PCP4: variants seen among roughly 807,000 people sequenced by gnomAD.
PCP4 encodes Purkinje cell protein 4.
PCP4 carries 8 observed loss-of-function variants against 10.0 expected under a neutral mutation model. The observed-to-expected ratio is 0.80, with a 90% CI of 0.47 to 1.45. PCP4 has a LOEUF of 1.45. Ranked by LOEUF, PCP4 falls within the 40% of genes most tolerant of loss-of-function variation. The pLI, the probability that PCP4 is intolerant of heterozygous loss-of-function variation, is 0.00. For synonymous variants in PCP4, 21 were observed against 23.0 expected (o/e 0.91, Z 0.24); for missense variants, 54 against 74.4 (o/e 0.73, Z 1.01).
intron 1 of PCP4, among the ~76,000 whole-genome samples, chr21:39,892,049 T>G (rs188309420): frequency 6.6e-6 from 1 of 152,260 alleles, no homozygotes; most frequent in Admixed American, 6.5e-5. Context: ...GTTCCCTGAC[T>G]CCTCCAAGGA....
intron 2 of PCP4, among the ~76,000 whole-genome samples, chr21:39,904,735 C>A (rs1247200420): frequency 2.6e-5 from 4 of 152,152 alleles, no homozygotes; most frequent in African/African-American, 7.2e-5. Context: ...GAGCAGCCTG[C>A]GATTCAGAGT....
chr21:39,908,149 T>A (rs1251290737), intron 2 of PCP4, among the ~76,000 whole-genome samples: 7 of 152,010 alleles, frequency 4.6e-5, no homozygotes, highest in African/African-American at 1.7e-4. Flanking sequence ...ATTGAAACCA[T>A]GCTTTCATGT....
chr21:39,927,212 CATCT>C (rs1024794291), intron 2 of PCP4, among the ~76,000 whole-genome samples: 1 of 139,522 alleles, frequency 7.2e-6, no homozygotes, highest in Non-Finnish European at 1.6e-5. Context: ...TGCTGATTCT[CATCT>C]ATCTATTACC....
At chr21:39,898,637 T>C in intron 2 of PCP4, 110 bp downstream of exon 2, 1 of 801,668 alleles carries the variant, frequency 1.2e-6, no homozygotes, top group Admixed American at 2.3e-5. Flanking sequence ...TATATGTGTC[T>C]GCGCTTCAGC....
intron 1 of PCP4, among the ~76,000 whole-genome samples, chr21:39,881,404 A>G (rs921297771): frequency 2.6e-5 from 4 of 152,214 alleles, no homozygotes; most frequent in African/African-American, 7.2e-5. Flanking sequence ...ATTAGCCTCC[A>G]TAGGAAAAGG....
intron 2 of PCP4, among the ~76,000 whole-genome samples, chr21:39,907,894 G>T (rs541547736): frequency 2.0e-5 from 3 of 152,214 alleles, no homozygotes; most frequent in East Asian, 3.8e-4. Context: ...AGAGAGGAGA[G>T]TGAATCTGAG....
At chr21:39,894,142 A>G (rs1222571256) in intron 1 of PCP4, among the ~76,000 whole-genome samples, 1 of 152,218 alleles carries the variant, frequency 6.6e-6, no homozygotes, top group Non-Finnish European at 1.5e-5. Context: ...GTATTGTGAT[A>G]TAGACTGCAA....
chr21:39,872,872 C>T (rs2087326978), intron 1 of PCP4, among the ~76,000 whole-genome samples: 2 of 152,086 alleles, frequency 1.3e-5, no homozygotes, highest in South Asian at 4.2e-4. Flanking sequence ...GGTTTGAAAC[C>T]TGTGTTTGCC....
At chr21:39,868,166 A>G (rs1271281596) in intron 1 of PCP4, among the ~76,000 whole-genome samples, 1 of 152,210 alleles carries the variant, frequency 6.6e-6, no homozygotes, top group Non-Finnish European at 1.5e-5. Context: ...GGGCCAACTG[A>G]CAGCACGTTT....
intron 2 of PCP4, among the ~76,000 whole-genome samples, chr21:39,903,876 C>CAAAAAAA (rs67572508): frequency 7.3e-5 from 7 of 95,540 alleles, no homozygotes; most frequent in African/African-American, 1.2e-4. Context: ...TCAAAAAAAA[C>CAAAAAAA]AAAAAAAAAA....
intron 1 of PCP4, among the ~76,000 whole-genome samples, chr21:39,873,161 A>G (rs1229677823): frequency 6.6e-6 from 1 of 152,160 alleles, no homozygotes; most frequent in African/African-American, 2.4e-5. Flanking sequence ...GAGCCTGTGA[A>G]TACCTTGGAA....
chr21:39,882,306 G>A (rs900138964), intron 1 of PCP4, among the ~76,000 whole-genome samples: 3 of 152,214 alleles, frequency 2.0e-5, no homozygotes, highest in Non-Finnish European at 4.4e-5. Context: ...ATGTGGCCAT[G>A]GTGAGAGATC....
At position 39,877,988 on chromosome 21, in the gene PCP4, C is replaced by G. The variant is rs888659477; in HGVS notation, c.9+10478C>G. On this transcript the variant is annotated intron_variant, in intron 1 of 2. Transcript: ENST00000328619. Reference sequence around the variant, plus strand: ...ATTTTGTAGTCACATTTCTTTTTTTCTTCTAGATTGTGACGAGAGAGAGAG... The same window carrying G: ...ATTTTGTAGTCACATTTCTTTTTTTGTTCTAGATTGTGACGAGAGAGAGAG... Among the ~76,000 whole-genome samples the G allele has an allele frequency of 3.3e-5, 5 of 150,386 alleles. No individual in the cohort carries two copies. The South Asian group carries it at 1.1e-3, about 32-fold the overall frequency.
chr21:39,897,174 G>A (rs1697056421), intron 1 of PCP4, among the ~76,000 whole-genome samples: 1 of 152,014 alleles, frequency 6.6e-6, no homozygotes, highest in South Asian at 2.1e-4. Flanking sequence ...TGGATCATGG[G>A]GTCACGAGTT....
intron 1 of PCP4, among the ~76,000 whole-genome samples, chr21:39,873,486 A>G (rs959055267): frequency 6.6e-6 from 1 of 152,128 alleles, no homozygotes; most frequent in Non-Finnish European, 1.5e-5. Flanking sequence ...AATATATGAA[A>G]ATTTATATGC....
intron 1 of PCP4, among the ~76,000 whole-genome samples, chr21:39,874,226 C>T (rs1338291314): frequency 6.6e-6 from 1 of 152,222 alleles, no homozygotes; most frequent in African/African-American, 2.4e-5. Context: ...TTCAAGGTTT[C>T]TGCCCTCCAT....
chr21:39,902,074 A>C (rs1245840595), intron 2 of PCP4, among the ~76,000 whole-genome samples: 1 of 152,212 alleles, frequency 6.6e-6, no homozygotes, highest in Non-Finnish European at 1.5e-5. Flanking sequence ...TTATTCTGTC[A>C]TTATAGGTAT....
intron 1 of PCP4, among the ~76,000 whole-genome samples, chr21:39,887,240 C>G (rs575835021): frequency 3.3e-5 from 5 of 152,112 alleles, no homozygotes; most frequent in East Asian, 1.9e-4. Context: ...AGAATTTCAG[C>G]CTTTGGGTCT....
intron 1 of PCP4, among the ~76,000 whole-genome samples, chr21:39,889,558 A>T (rs2087418987): frequency 1.3e-5 from 2 of 149,602 alleles, no homozygotes; most frequent in Admixed American, 6.6e-5. Context: ...CTGGGACTAC[A>T]GGCACCCACC....
Sources: allele counts gnomAD v4.1 joint callset (sites outside exome capture counted in the v4.1 genomes callset), GRCh38; gene constraint gnomAD v4.1.1; transcripts MANE v1.5; gene names NCBI Gene and HGNC (gene_info 2026-07-23, HGNC 2026-07-21).